CASR: variants seen among roughly 807,000 people sequenced by gnomAD.
CASR encodes the protein extracellular calcium-sensing receptor.
In CASR, 23 loss-of-function variants were observed where a neutral mutation model predicts 69.1. The observed-to-expected ratio is 0.33, with a 90% confidence interval of 0.24 to 0.47. The LOEUF is 0.47. CASR is among the 20% of genes least tolerant of loss of function. CASR has a pLI of 1.00. For synonymous variants in CASR, 541 were observed against 544.7 expected, an observed-to-expected ratio of 0.99 and a Z score of 0.10; for missense variants, 924 against 1,356.1, an observed-to-expected ratio of 0.68 and a Z score of 5.00.
At position 122,290,326 on chromosome 3, in the gene CASR, A is replaced by G. The variant is rs2107655209; in HGVS notation, c.*5135A>G. On this transcript the variant is annotated 3_prime_UTR_variant, in exon 7 of 7. Transcript: ENST00000639785. Reference sequence around the variant, plus strand: ...CCCAAGAATAAACCCTGGGGTCATTACAGGATTTCCTGTAAAGGCATCAGG... The same window carrying G: ...CCCAAGAATAAACCCTGGGGTCATTGCAGGATTTCCTGTAAAGGCATCAGG... 1 of 152,334 alleles carries G rather than the reference A, an allele frequency of 6.6e-6. No individual in the cohort carries two copies. The highest frequency in any genetic ancestry group is 1.5e-5 in the Non-Finnish European group (1 of 68,032). 9.4% of individuals were successfully genotyped at this position (152,334 alleles called of 1,614,324 possible). A position where few individuals can be genotyped will look rare whatever the true frequency, so the allele number is the denominator to read the frequency against.
chr3:122,207,180 G>C (rs977805632), intron 1 of CASR, among the ~76,000 whole-genome samples: 1 of 151,906 alleles, frequency 6.6e-6, no homozygotes, highest in Non-Finnish European at 1.5e-5. Context: ...GGGAGAGATA[G>C]ACTGCAATAC....
In CASR at chr3:122,285,379, A is replaced by G; in HGVS notation, c.*188A>G. 1 of 592,780 alleles carries G rather than the reference A, an allele frequency of 1.7e-6. No homozygotes were observed. The highest frequency in any genetic ancestry group is 3.0e-6 in the Non-Finnish European group (1 of 335,738). 36.7% of individuals were successfully genotyped at this position (592,780 alleles called of 1,614,324 possible). On this transcript the variant is annotated 3_prime_UTR_variant, in exon 7 of 7. Transcript: ENST00000639785. Reference sequence around the variant, plus strand: ...CATGTTCCCTTTAAAATTAAAAAAAAGAAGAGCCTTGTGTTTCTGTGGTTG... The same window carrying G: ...CATGTTCCCTTTAAAATTAAAAAAAGGAAGAGCCTTGTGTTTCTGTGGTTG...
chr3:122,222,739 C>T (rs1175426765), intron 1 of CASR, among the ~76,000 whole-genome samples: 3 of 152,078 alleles, frequency 2.0e-5, no homozygotes, highest in South Asian at 4.1e-4. Flanking sequence ...CTACAGAACA[C>T]TACACCCAAA....
intron 1 of CASR, among the ~76,000 whole-genome samples, chr3:122,185,351 A>G (rs1240913954): frequency 6.6e-6 from 1 of 152,118 alleles, no homozygotes; most frequent in Non-Finnish European, 1.5e-5. Flanking sequence ...CTTAATCTCC[A>G]GTGTTCCTCC....
chr3:122,258,520 A>G (rs922690976), intron 3 of CASR, among the ~76,000 whole-genome samples: 2 of 152,174 alleles, frequency 1.3e-5, no homozygotes, highest in African/African-American at 4.8e-5. Context: ...TGATCTGACA[A>G]AGCCTGTATC....
At chr3:122,213,050 GT>G (rs1273640333) in intron 1 of CASR, among the ~76,000 whole-genome samples, 2 of 152,160 alleles carry the variant, frequency 1.3e-5, no homozygotes, top group African/African-American at 4.8e-5. Context: ...GTACAATATA[GT>G]TCAAGATAGT....
At chr3:122,193,937 C>T (rs986138359) in intron 1 of CASR, among the ~76,000 whole-genome samples, 2 of 151,958 alleles carry the variant, frequency 1.3e-5, no homozygotes, top group Non-Finnish European at 2.9e-5. Flanking sequence ...GGATAAAAAC[C>T]CTCCCAATAA....
chr3:122,183,687 A>T lies in CASR; in HGVS notation c.-368A>T, dbSNP rs1193653421. 1 of 152,228 alleles carries T rather than the reference A, an allele frequency of 6.6e-6. No individual in the cohort carries two copies. Among genetic ancestry groups the T allele is most frequent in the Non-Finnish European group, 1.5e-5 (1 of 68,056 alleles). 9.4% of individuals were successfully genotyped at this position (152,228 alleles called of 1,614,324 possible). On this transcript the variant is annotated 5_prime_UTR_variant, in exon 1 of 7. Transcript: ENST00000639785. ...TCGGGTAGAGTAGACCAAGTGCAAC[A>T]GGCACCTGGCTGCAGCCAGGAAGGA...
chr3:122,185,338 T>A (rs892198096), intron 1 of CASR, among the ~76,000 whole-genome samples: 5 of 152,208 alleles, frequency 3.3e-5, no homozygotes, highest in African/African-American at 9.6e-5. Context: ...ACTGCCCACA[T>A]CCCTTAATCT....
rs2107633043 is a variant in CASR at position 122,262,212 on chromosome 3, C to A, written c.1177C>A (p.Pro393Thr). 6.2e-7 allele frequency: 1 copy of A among 1,614,164 alleles called. No individual in the cohort carries two copies. Among genetic ancestry groups the A allele is most frequent in the Non-Finnish European group, 8.5e-7 (1 of 1,179,970 alleles). The change falls in exon 4 of 7, where the codon CCC (proline) becomes ACC (threonine). Residue 393 changes from proline to threonine, a missense_variant. By Grantham distance (38) the Pro-to-Thr change is conservative. Around this residue, in one of 8 missense-constraint regions of CASR, gnomAD observed 310 missense variants for 395.7 expected, o/e 0.78. Coordinates refer to ENST00000639785, the MANE Select transcript of CASR (RefSeq NM_000388.4). ...TAGCAACAGCTCGACAGCCTTCCGA[C>A]CCCTCTGTACAGGGGATGAGAACAT... ...RFSNSSTAFRPLCTGDENISS... is the reference protein window; with the variant it reads ...RFSNSSTAFRTLCTGDENISS...
intron 1 of CASR, among the ~76,000 whole-genome samples, chr3:122,216,071 A>C (rs1342571517): frequency 2.0e-5 from 3 of 152,222 alleles, no homozygotes; most frequent in Non-Finnish European, 4.4e-5. Flanking sequence ...AGGGACATGA[A>C]AGCTCTTTTG....
At chr3:122,192,790 A>G (rs146718280) in intron 1 of CASR, among the ~76,000 whole-genome samples, 9 of 152,254 alleles carry the variant, frequency 5.9e-5, no homozygotes, top group East Asian at 3.9e-4. Flanking sequence ...GGCCAAATGT[A>G]TATAGTTCCT....
chr3:122,219,921 T>C (rs1401266301), intron 1 of CASR, among the ~76,000 whole-genome samples: 6 of 152,242 alleles, frequency 3.9e-5, no homozygotes, highest in Non-Finnish European at 7.3e-5. Flanking sequence ...TGATCTTGTC[T>C]ATTTCTCTGC....
In CASR at chr3:122,285,541, TGATGG is replaced by T; in HGVS notation, c.*353_*357del. On this transcript the variant is annotated 3_prime_UTR_variant, in exon 7 of 7. Transcript: ENST00000639785. The stretch of plus-strand genomic sequence containing the variant: ...AAACTACCCTCCAGAGTGTGCAGAC[TGATGG>T]GACATCAAATTTGCCACCACTAGAG... The T allele has an allele frequency of 3.6e-6, 1 of 280,226 alleles. No individual in the cohort carries two copies. The highest frequency in any genetic ancestry group is 6.9e-6 in the Non-Finnish European group (1 of 145,380). The allele number at this position is 280,226 out of a possible 1,614,324, so 17.4% of individuals were successfully genotyped here. A position where few individuals can be genotyped will look rare whatever the true frequency, so the allele number is the denominator to read the frequency against.
chr3:122,202,290 C>T (rs144486035), intron 1 of CASR, among the ~76,000 whole-genome samples: 28,387 of 152,120 alleles, frequency 0.19, 3,791 homozygotes, highest in African/African-American at 0.37. Flanking sequence ...TGGTGGCGCG[C>T]GCCTGCAATG....
rs1446060299 is a variant in CASR at position 122,284,459 on chromosome 3, C to G, written c.2505C>G (p.Ala835=). The change falls in exon 7 of 7, where the codon GCC becomes GCG. Residue 835 remains alanine (A), a synonymous_variant. Coordinates refer to ENST00000639785, the MANE Select transcript of CASR (RefSeq NM_000388.4). Reference sequence around the variant, plus strand: ...GCACCTATGGCAAGTTTGTCTCTGCCGTAGAGGTGATTGCCATCCTGGCAG... The same window carrying G: ...GCACCTATGGCAAGTTTGTCTCTGCGGTAGAGGTGATTGCCATCCTGGCAG... ...YASTYGKFVS[A]VEVIAILAAS... is the part of the protein sequence containing the mutation. 1 of 1,613,546 alleles carries G rather than the reference C, an allele frequency of 6.2e-7. No homozygotes were observed. The highest frequency in any genetic ancestry group is 8.5e-7 in the Non-Finnish European group (1 of 1,180,046).
In CASR at chr3:122,254,294, G is replaced by A. The variant is rs2107624919; in HGVS notation, c.105G>A (p.Gly35=). 6.2e-7 allele frequency: 1 copy of A among 1,614,168 alleles called. No homozygotes were observed. Among genetic ancestry groups the A allele is most frequent in the South Asian group, 1.1e-5 (1 of 91,074 alleles). The change falls in exon 2 of 7, where the codon GGG becomes GGA. Residue 35 remains glycine, a synonymous_variant. Transcript: ENST00000639785. ...AAAAGAAGGGGGACATTATCCTTGG[G>A]GGGCTCTTTCCTATTCATTTTGGAG... The part of the protein sequence containing the change: ...RAQKKGDIIL[G]GLFPIHFGVA...
At chr3:122,257,584 C>T in intron 3 of CASR, 197 bp downstream of exon 3, 2 of 543,728 alleles carry the variant, frequency 3.7e-6, no homozygotes, top group East Asian at 2.9e-5. Context: ...GATACCTTCA[C>T]TATGCTTCCA....
rs1438106755 is a variant in CASR, at chr3:122,286,840, T to G, written c.*1649T>G. ...CTCCTGAAGCCTCAAATTTTACAGC[T>G]CTTGGTGACTTCTTCCCCTGACCAC... On this transcript the variant is annotated 3_prime_UTR_variant, in exon 7 of 7. Transcript: ENST00000639785. 6.6e-6 allele frequency: 1 copy of G among 152,244 alleles called. No individual in the cohort carries two copies. The highest frequency in any genetic ancestry group is 1.5e-5 in the Non-Finnish European group (1 of 68,058). The allele number at this position is 152,244 out of a possible 1,614,324, so 9.4% of individuals were successfully genotyped here.
Sources: gnomAD v4.1 joint callset for allele counts (sites outside exome capture counted in the v4.1 genomes callset) on GRCh38, gnomAD v4.1.1 for gene constraint, gnomAD v4.1.1 regional missense constraint, MANE v1.5 for transcripts, NCBI Gene and HGNC (gene_info 2026-07-23, HGNC 2026-07-21) for gene names.